The following SUGCT variants were observed in gnomAD, a reference collection of about 807,000 sequenced individuals.
The protein encoded by SUGCT is succinyl-CoA:glutarate CoA-transferase.
In SUGCT, 41 loss-of-function variants were observed where a neutral mutation model predicts 55.0. That is an observed-to-expected ratio of 0.74 (90% CI 0.58 to 0.97). The LOEUF is 0.97. Among genes scored for constraint, SUGCT ranks in the 50% least tolerant of loss-of-function variants. The pLI is 0.00. For missense variants in SUGCT, 568 were observed against 547.8 expected, an observed-to-expected ratio of 1.04 and a Z score of -0.37; for synonymous variants, 187 against 200.4, an observed-to-expected ratio of 0.93 and a Z score of 0.56.
chr7:40,200,440 A>C (rs12333929), intron 6 of SUGCT, among the ~76,000 whole-genome samples: 7 of 151,642 alleles, frequency 4.6e-5, no homozygotes, highest in Admixed American at 2.0e-4. Flanking sequence ...TTTTTTTTTG[A>C]GGGGGGTAAC....
chr7:40,347,468 A>G (rs989245941), intron 9 of SUGCT, among the ~76,000 whole-genome samples: 1 of 152,214 alleles, frequency 6.6e-6, no homozygotes, highest in Admixed American at 6.5e-5. Context: ...AGATGTCAAA[A>G]CAAAATGTTC....
intron 12 of SUGCT, among the ~76,000 whole-genome samples, chr7:40,542,631 A>T (rs143823155): frequency 6.6e-6 from 1 of 152,342 alleles, no homozygotes; most frequent in African/African-American, 2.4e-5. Context: ...CATTGAAATG[A>T]TGGAGTGGCT....
At chr7:40,712,028 G>A (rs192905569) in intron 12 of SUGCT, among the ~76,000 whole-genome samples, 128 of 152,332 alleles carry the variant, frequency 8.4e-4, no homozygotes, top group African/African-American at 3.0e-3. Flanking sequence ...GGAAACTGCG[G>A]CTCCGCAAGC....
At chr7:40,472,434 CA>C (rs1018680560) in intron 11 of SUGCT, among the ~76,000 whole-genome samples, 1 of 152,096 alleles carries the variant, frequency 6.6e-6, no homozygotes, top group Admixed American at 6.6e-5. Context: ...ACTATGCTAG[CA>C]ACGGCATAAA....
the SUGCT span, among the ~76,000 whole-genome samples, chr7:40,972,463 C>T: frequency 1.3e-5 from 2 of 152,156 alleles, no homozygotes; most frequent in South Asian, 2.1e-4. Context: ...TCAGCATGTA[C>T]GTTGGTTCCC....
chr7:40,725,806 C>T (rs1182658286), intron 12 of SUGCT, among the ~76,000 whole-genome samples: 3 of 152,100 alleles, frequency 2.0e-5, no homozygotes, highest in Admixed American at 6.5e-5. Flanking sequence ...ATGGAGAAAT[C>T]GGATTTTGCC....
At chr7:40,307,659 CAGTA>C (rs2151090607) in intron 8 of SUGCT, among the ~76,000 whole-genome samples, 1 of 152,218 alleles carries the variant, frequency 6.6e-6, no homozygotes, top group South Asian at 2.1e-4. Flanking sequence ...GAACAGTGTG[CAGTA>C]AGTGTTAGCT....
chr7:40,495,840 G>T (rs962384822), intron 11 of SUGCT, among the ~76,000 whole-genome samples: 2 of 152,058 alleles, frequency 1.3e-5, no homozygotes, highest in Non-Finnish European at 2.9e-5. Flanking sequence ...TAATTTTTGT[G>T]TACTTTTCCC....
intron 9 of SUGCT, among the ~76,000 whole-genome samples, chr7:40,435,374 C>G (rs1182404706): frequency 6.6e-6 from 1 of 152,142 alleles, no homozygotes; most frequent in African/African-American, 2.4e-5. Flanking sequence ...AGCATGCTTG[C>G]CTTTTTCAGT....
At chr7:40,988,949 C>T in the SUGCT span, among the ~76,000 whole-genome samples, 1 of 151,616 alleles carries the variant, frequency 6.6e-6, no homozygotes, top group African/African-American at 2.4e-5. Flanking sequence ...TGATTCCAGA[C>T]ACAACAATAC....
chr7:40,950,297 C>T, the SUGCT span, among the ~76,000 whole-genome samples: 1 of 152,098 alleles, frequency 6.6e-6, no homozygotes, highest in African/African-American at 2.4e-5. Context: ...GATTTTTGCA[C>T]ATTGATTTTG....
At chr7:40,149,640 G>A (rs995326739) in intron 1 of SUGCT, among the ~76,000 whole-genome samples, 2 of 152,082 alleles carry the variant, frequency 1.3e-5, no homozygotes, top group Non-Finnish European at 2.9e-5. Context: ...AAAATCGGCC[G>A]GGCATGGTAG....
At chr7:40,883,023 G>A in the SUGCT span, among the ~76,000 whole-genome samples, 1 of 152,098 alleles carries the variant, frequency 6.6e-6, no homozygotes, top group African/African-American at 2.4e-5. Context: ...TGCTGCCTTA[G>A]TCCTTGGCTC....
At chr7:40,588,225 T>TTC (rs1797506932) in intron 12 of SUGCT, among the ~76,000 whole-genome samples, 1 of 151,246 alleles carries the variant, frequency 6.6e-6, no homozygotes, top group Non-Finnish European at 1.5e-5. Context: ...TCTAAGAAAA[T>TTC]TCTCTTTTTT....
intron 12 of SUGCT, among the ~76,000 whole-genome samples, chr7:40,602,311 A>G (rs755033418): frequency 1.4e-4 from 22 of 152,194 alleles, no homozygotes; most frequent in Admixed American, 5.2e-4. Flanking sequence ...ATGAAAACTT[A>G]AAAGAAACTG....
chr7:40,475,130 C>T (rs1790592508), intron 11 of SUGCT, among the ~76,000 whole-genome samples: 1 of 152,190 alleles, frequency 6.6e-6, no homozygotes. Flanking sequence ...CCGTATTTCT[C>T]CTGTGCCTTC....
chr7:40,433,337 C>CTTTTTTTT (rs200117722), intron 9 of SUGCT, among the ~76,000 whole-genome samples: 1 of 141,692 alleles, frequency 7.1e-6, no homozygotes. Flanking sequence ...TTCTTTTTTT[C>CTTTTTTTT]TTTTTTTTTT....
chr7:40,867,176 T>G, the SUGCT span, among the ~76,000 whole-genome samples: 1 of 148,932 alleles, frequency 6.7e-6, no homozygotes, highest in African/African-American at 2.4e-5. Context: ...ATATAAGAAC[T>G]CTCCCCATAT....
At chr7:40,894,318 A>C in the SUGCT span, among the ~76,000 whole-genome samples, 1 of 152,192 alleles carries the variant, frequency 6.6e-6, no homozygotes, top group Non-Finnish European at 1.5e-5. Context: ...AATTCAACTC[A>C]AGATGAACTA....
Sources: gnomAD v4.1 joint callset for allele counts (sites outside exome capture counted in the v4.1 genomes callset) on GRCh38, gnomAD v4.1.1 for gene constraint, MANE v1.5 for transcripts, NCBI Gene and HGNC (gene_info 2026-07-23, HGNC 2026-07-21) for gene names.